NPSR1: variants seen among roughly 807,000 people sequenced by gnomAD.
The protein encoded by NPSR1 is neuropeptide S receptor 1.
A neutral mutation model predicts 46.9 loss-of-function variants in NPSR1; 48 were observed. That is an observed-to-expected ratio of 1.02 (90% CI 0.81 to 1.30). The LOEUF (loss-of-function observed/expected upper bound fraction) is 1.30. NPSR1 is among the 50% of genes most tolerant of loss of function. The probability of loss-of-function intolerance (pLI) is 0.00; values close to 1 mark genes in which losing one functional copy is unlikely to be tolerated. For synonymous variants in NPSR1, 176 were observed against 168.1 expected (o/e 1.05, Z -0.36); for missense variants, 450 against 449.5 (o/e 1.00, Z -0.01).
At chr7:34,757,864 G>C (rs559901398) in intron 2 of NPSR1, among the ~76,000 whole-genome samples, 1 of 152,304 alleles carries the variant, frequency 6.6e-6, no homozygotes, top group South Asian at 2.1e-4. Context: ...CCCAGTATGG[G>C]GTACAACAGC....
chr7:34,659,638 T>C (rs1562632044), intron 1 of NPSR1, among the ~76,000 whole-genome samples: 2 of 152,224 alleles, frequency 1.3e-5, no homozygotes, highest in Admixed American at 1.3e-4. Flanking sequence ...AAGCAGAACC[T>C]GAGCAAACTA....
chr7:34,661,062 T>A (rs918416513), intron 1 of NPSR1, among the ~76,000 whole-genome samples: 4 of 152,224 alleles, frequency 2.6e-5, no homozygotes, highest in African/African-American at 7.2e-5. Context: ...TCATACTCAA[T>A]AAACATTGAC....
intron 2 of NPSR1, among the ~76,000 whole-genome samples, chr7:34,705,290 G>A (rs1794043790): frequency 6.6e-6 from 1 of 152,000 alleles, no homozygotes; most frequent in South Asian, 2.1e-4. Flanking sequence ...AGTTGGGCAT[G>A]ATGGTGCACG....
intron 2 of NPSR1, among the ~76,000 whole-genome samples, chr7:34,707,842 AAAC>A (rs1231731565): frequency 1.3e-5 from 2 of 151,894 alleles, no homozygotes; most frequent in African/African-American, 4.8e-5. Flanking sequence ...TGGGCAGCTT[AAAC>A]AACAGAAATT....
chr7:34,659,679 C>T (rs1023272882), intron 1 of NPSR1, among the ~76,000 whole-genome samples: 4 of 152,202 alleles, frequency 2.6e-5, no homozygotes, highest in African/African-American at 9.6e-5. Context: ...AAACCCTGTC[C>T]CTTGGAATCA....
chr7:34,733,059 C>T (rs1245324653), intron 2 of NPSR1, among the ~76,000 whole-genome samples: 1 of 152,196 alleles, frequency 6.6e-6, no homozygotes, highest in Non-Finnish European at 1.5e-5. Flanking sequence ...TGCTCATCAA[C>T]TTAAAAATTA....
intron 2 of NPSR1, among the ~76,000 whole-genome samples, chr7:34,693,265 TCA>T (rs1391045218): frequency 1.3e-5 from 2 of 152,144 alleles, no homozygotes; most frequent in Non-Finnish European, 2.9e-5. Context: ...TTACCCAGTC[TCA>T]GTTACTTCTT....
At chr7:34,700,751 T>C (rs868527360) in intron 2 of NPSR1, among the ~76,000 whole-genome samples, 1 of 152,182 alleles carries the variant, frequency 6.6e-6, no homozygotes, top group Non-Finnish European at 1.5e-5. Context: ...CTATGACCTA[T>C]GAAAAGTGAC....
At chr7:34,874,159 C>A (rs1562781979) in intron 8 of NPSR1, among the ~76,000 whole-genome samples, 1 of 148,684 alleles carries the variant, frequency 6.7e-6, no homozygotes, top group Non-Finnish European at 1.5e-5. Context: ...AGAGGACGGT[C>A]CTCACCCAGT....
intron 3 of NPSR1, among the ~76,000 whole-genome samples, chr7:34,805,563 A>G (rs964910303): frequency 1.3e-5 from 2 of 151,750 alleles, no homozygotes; most frequent in African/African-American, 4.8e-5. Context: ...GATATAACAT[A>G]ATGCTCAATA....
rs775701643 is a variant in NPSR1, at chr7:34,834,478, A to G, written c.757+18A>G. On this transcript the variant is annotated intron_variant, in intron 6 of 8. Coordinates refer to ENST00000360581, the MANE Select transcript of NPSR1 (RefSeq NM_207172.2). ...CTGCTCAGGTAAGTCTCTACTCTGC[A>G]TGGCCCAATTCTTGGCTAATTTGCT... 1.0e-5 allele frequency: 16 copies of G among 1,569,840 alleles called. No individual in the cohort carries two copies. The highest frequency in any genetic ancestry group is 4.5e-5 in the East Asian group (2 of 44,690).
chr7:34,762,541 G>A (rs1183705836), intron 2 of NPSR1, among the ~76,000 whole-genome samples: 2 of 152,112 alleles, frequency 1.3e-5, no homozygotes, highest in Non-Finnish European at 2.9e-5. Context: ...AGCATTCAGT[G>A]TTTAAAAAAG....
At chr7:34,742,490 G>C (rs979847673) in intron 2 of NPSR1, among the ~76,000 whole-genome samples, 1 of 152,256 alleles carries the variant, frequency 6.6e-6, no homozygotes, top group African/African-American at 2.4e-5. Flanking sequence ...TCCCACAAAA[G>C]ACATGATCTC....
chr7:34,791,084 T>G (rs1444694635), intron 3 of NPSR1, among the ~76,000 whole-genome samples: 2 of 118,980 alleles, frequency 1.7e-5, no homozygotes, highest in African/African-American at 3.6e-5. Flanking sequence ...ATATGTTATA[T>G]GTTATATATA....
chr7:34,790,948 A>ATATGTTATATGT (rs1562730046), intron 3 of NPSR1, among the ~76,000 whole-genome samples: 6 of 90,510 alleles, frequency 6.6e-5, no homozygotes, highest in South Asian at 3.1e-4. Flanking sequence ...TATATATCAT[A>ATATGTTATATGT]TATGTTATAT....
chr7:34,836,243 C>T (rs1028065377), intron 6 of NPSR1, among the ~76,000 whole-genome samples: 3 of 151,958 alleles, frequency 2.0e-5, no homozygotes, highest in Admixed American at 6.6e-5. Flanking sequence ...GTGCAGTTGG[C>T]TTTGGTTAAA....
At chr7:34,747,677 G>A (rs1191953369) in intron 2 of NPSR1, among the ~76,000 whole-genome samples, 6 of 152,230 alleles carry the variant, frequency 3.9e-5, no homozygotes, top group Middle Eastern at 6.8e-3. Flanking sequence ...ACTGGATACC[G>A]CATGAGTTTT....
chr7:34,740,310 C>T (rs1163493655), intron 2 of NPSR1, among the ~76,000 whole-genome samples: 1 of 151,854 alleles, frequency 6.6e-6, no homozygotes, highest in African/African-American at 2.4e-5. Flanking sequence ...GGCTGAGAAC[C>T]TGTCCCAGGC....
chr7:34,840,445 T>C (rs1790520759), intron 6 of NPSR1, among the ~76,000 whole-genome samples: 1 of 150,712 alleles, frequency 6.6e-6, no homozygotes, highest in Admixed American at 6.6e-5. Flanking sequence ...TTCAAGAGAG[T>C]CTGCTGCAAG....
Sources: allele counts gnomAD v4.1 joint callset (sites outside exome capture counted in the v4.1 genomes callset), GRCh38; gene constraint gnomAD v4.1.1; transcripts MANE v1.5; gene names NCBI Gene and HGNC (gene_info 2026-07-23, HGNC 2026-07-21).